The following SS18L2 variants were observed in gnomAD, a reference collection of about 807,000 sequenced individuals.
SS18L2 encodes the protein SS18-like protein 2.
A neutral mutation model predicts 10.3 loss-of-function variants in SS18L2; 8 were observed. That is an observed-to-expected ratio of 0.78 (90% confidence interval 0.46 to 1.41). The LOEUF is 1.41. Among genes scored for constraint, SS18L2 ranks in the 40% most tolerant of loss-of-function variants. The pLI, the probability that SS18L2 is intolerant of heterozygous loss-of-function variation, is 0.00. For synonymous variants in SS18L2, 41 were observed against 34.6 expected (o/e 1.19, Z -0.65); for missense variants, 100 against 96.2 (o/e 1.04, Z -0.17).
rs771783988 is a variant in SS18L2, at chr3:42,591,508, T to C, written c.70-17T>C. On this transcript the variant is annotated splice_polypyrimidine_tract_variant and intron_variant, in intron 1 of 2. Coordinates refer to ENST00000011691, the MANE Select transcript of SS18L2 (RefSeq NM_001370300.1). ...GCGCCCGGCCTGCACTGACCCTTTC[T>C]TTCTCTGATCTTTCAGCTCCTTGAG... is the stretch of plus-strand genomic sequence containing the variant. 1.9e-6 allele frequency: 3 copies of C among 1,609,176 alleles called. No homozygotes were observed. Among genetic ancestry groups the C allele is most frequent in the Middle Eastern group, 1.7e-4 (1 of 6,044 alleles).
rs1266059925 is a variant in SS18L2, at chr3:42,595,046, T to G, written c.*537T>G. 1 of 152,314 alleles carries G rather than the reference T, an allele frequency of 6.6e-6. No homozygotes were observed. The highest frequency in any genetic ancestry group is 2.4e-5 in the African/African-American group (1 of 41,468). The allele number at this position is 152,314 out of a possible 1,614,324, so 9.4% of individuals were successfully genotyped here. Reference sequence around the variant, plus strand: ...CATGTAATAAGTATTCCATTTGGTTTTCAAGAATAACTGTGAGGACTTAAC... The same window carrying G: ...CATGTAATAAGTATTCCATTTGGTTGTCAAGAATAACTGTGAGGACTTAAC... On this transcript the variant is annotated 3_prime_UTR_variant, in exon 3 of 3. Coordinates refer to ENST00000011691, the MANE Select transcript of SS18L2 (RefSeq NM_001370300.1).
At chr3:42,591,671 C>T (rs568727201) in intron 2 of SS18L2, 70 bp downstream of exon 2, 12 of 1,054,578 alleles carry the variant, frequency 1.1e-5, no homozygotes, top group Non-Finnish European at 1.8e-5. Flanking sequence ...GGTGCTTTCT[C>T]GAACTAAGAG....
At chr3:42,583,770 G>T (rs1226193450) in intron 1 of SS18L2, among the ~76,000 whole-genome samples, 3 of 152,196 alleles carry the variant, frequency 2.0e-5, no homozygotes, top group African/African-American at 7.2e-5. Flanking sequence ...CTACTCTGGA[G>T]TTGGGACACC....
chr3:42,583,892 C>T (rs1704519383), intron 1 of SS18L2, among the ~76,000 whole-genome samples: 1 of 152,222 alleles, frequency 6.6e-6, no homozygotes, highest in Non-Finnish European at 1.5e-5. Context: ...AGCCTTTGGA[C>T]TCCAAGACTT....
rs372185588 is a variant in SS18L2, at chr3:42,583,661, G to A, written c.-90+1703G>A. Among the ~76,000 whole-genome samples the A allele has an allele frequency of 1.3e-4, 20 of 152,248 alleles. No homozygotes were observed. The South Asian group carries it at 1.9e-3, about 14-fold the overall frequency. On this transcript the variant is annotated intron_variant, in intron 1 of 3. Transcript: ENST00000447630. The stretch of plus-strand genomic sequence containing the variant: ...TATGAGGGTGTTCCCAGAAGATATT[G>A]GCATTTAAGTCAATGGACTGAGTAA...
At chr3:42,588,511 C>A (rs1704699657), upstream of SS18L2, among the ~76,000 whole-genome samples, 1 of 152,184 alleles carries the variant, frequency 6.6e-6, no homozygotes, top group Non-Finnish European at 1.5e-5. Flanking sequence ...AGGTAAGATA[C>A]TTAATACCCA....
intron 1 of SS18L2, among the ~76,000 whole-genome samples, chr3:42,584,983 G>C (rs532854277): frequency 1.4e-4 from 22 of 152,100 alleles, no homozygotes; most frequent in Non-Finnish European, 2.9e-4. Flanking sequence ...ACAAAAATTA[G>C]CCGGGCGTGA....
upstream of SS18L2, among the ~76,000 whole-genome samples, chr3:42,587,251 G>T (rs922237194): frequency 6.6e-6 from 1 of 152,154 alleles, no homozygotes; most frequent in Non-Finnish European, 1.5e-5. Context: ...TTACTCCTAG[G>T]AGAGTACAGA....
rs750021269 is a variant in SS18L2 at position 42,591,597 on chromosome 3, G to A, written c.142G>A (p.Val48Met). ...GAACAAGGGCCGCGGGAACGAGTGC[G>A]TGCAGTAAGTACCCCCACCCCCGCG... The part of the protein sequence containing the change: ...YQNKGRGNEC[V>M]QYQHVLHRNL... The change falls in exon 2 of 3, where the codon GTG becomes ATG. Residue 48 changes from valine (V) to methionine (M), a missense_variant. By Grantham distance (21) the Val-to-Met change is conservative. Coordinates refer to ENST00000011691, the MANE Select transcript of SS18L2 (RefSeq NM_001370300.1). The A allele has an allele frequency of 1.2e-4, 189 of 1,611,036 alleles. No homozygotes were observed. The highest frequency in any genetic ancestry group is 1.5e-4 in the Non-Finnish European group (181 of 1,177,334).
upstream of SS18L2, among the ~76,000 whole-genome samples, chr3:42,589,928 A>G (rs587712): frequency 3.9e-5 from 6 of 152,092 alleles, no homozygotes; most frequent in South Asian, 1.2e-3. Flanking sequence ...TTGCGGCACA[A>G]CACCTTTGCG....
Position 42,594,610 on chromosome 3 carries a change from A to T in SS18L2, c.*101A>T. On this transcript the variant is annotated 3_prime_UTR_variant, in exon 3 of 3. Coordinates refer to ENST00000011691, the MANE Select transcript of SS18L2 (RefSeq NM_001370300.1). ...ATGGAGACAGGGTCTTTACCAACTC[A>T]ACTGGTTAAAACATGAATGAAACCT... The T allele has an allele frequency of 1.0e-6, 1 of 957,208 alleles. No individual in the cohort carries two copies. 59.3% of individuals were successfully genotyped at this position (957,208 alleles called of 1,614,324 possible).
At position 42,596,669 on chromosome 3, in the gene SS18L2, C is replaced by T. The variant is rs370722786; in HGVS notation, c.*2160C>T. Among the ~76,000 whole-genome samples the T allele has an allele frequency of 5.9e-5, 9 of 152,224 alleles. No homozygotes were observed. The highest frequency in any genetic ancestry group is 4.6e-4 in the Admixed American group (7 of 15,282). On this transcript the variant is annotated 3_prime_UTR_variant, in exon 3 of 3. Coordinates refer to ENST00000011691, the MANE Select transcript of SS18L2 (RefSeq NM_001370300.1). ...AGACCAAATTGCATACTTTTATCTT[C>T]GAATCATCTAAAATATAATTTCAAA...
chr3:42,589,224 ACACCACTG>A (rs1183604216), upstream of SS18L2, among the ~76,000 whole-genome samples: 2 of 151,500 alleles, frequency 1.3e-5, no homozygotes, highest in Non-Finnish European at 2.9e-5. Flanking sequence ...AGCCGAGATC[ACACCACTG>A]CACTCCAGCC....
rs1705022469 is a variant in SS18L2 at position 42,596,134 on chromosome 3, G to C, written c.*1625G>C. 6.6e-6 allele frequency among the ~76,000 whole-genome samples: 1 copy of C among 151,902 alleles called. No individual in the cohort carries two copies. The highest frequency in any genetic ancestry group is 6.6e-5 in the Admixed American group (1 of 15,258). On this transcript the variant is annotated 3_prime_UTR_variant, in exon 3 of 3. Transcript: ENST00000011691. ...CCTCCTGGGTTCAAGTGATTCTCCT[G>C]CCTCAGCCTCCCAAGTAGCTGGGAT...
chr3:42,586,399 T>G (rs1204966170), upstream of SS18L2, among the ~76,000 whole-genome samples: 1 of 152,078 alleles, frequency 6.6e-6, no homozygotes, highest in Non-Finnish European at 1.5e-5. Context: ...ATTTTTGTAT[T>G]TTTAGTAGAG....
At chr3:42,589,103 A>G (rs1315435856), upstream of SS18L2, among the ~76,000 whole-genome samples, 1 of 149,446 alleles carries the variant, frequency 6.7e-6, no homozygotes, top group Non-Finnish European at 1.5e-5. Context: ...TGTCTACTAA[A>G]GATACAAAAA....
intron 1 of SS18L2, 51 bp from the exon 2 acceptor site, chr3:42,591,474 T>G (rs1577373975): frequency 2.1e-6 from 3 of 1,402,678 alleles, no homozygotes; most frequent in Non-Finnish European, 3.0e-6. Context: ...GTTACAGGCG[T>G]GAGCCACTGC....
chr3:42,594,334 C>A, intron 2 of SS18L2, 88 bp from the exon 3 acceptor site: 1 of 975,716 alleles, frequency 1.0e-6, no homozygotes, highest in Non-Finnish European at 1.6e-6. Flanking sequence ...ATGAGCCATT[C>A]CACTAGAGTG....
upstream of SS18L2, among the ~76,000 whole-genome samples, chr3:42,587,757 C>T (rs1401746151): frequency 2.0e-5 from 3 of 150,654 alleles, no homozygotes; most frequent in Non-Finnish European, 4.4e-5. Flanking sequence ...AAATCAAATC[C>T]TTATATAAAC....
Sources: allele counts gnomAD v4.1 joint callset (sites outside exome capture counted in the v4.1 genomes callset), GRCh38; gene constraint gnomAD v4.1.1; transcripts MANE v1.5; gene names NCBI Gene and HGNC (gene_info 2026-07-23, HGNC 2026-07-21).